Variants in AOX1 observed in about 807,000 individuals in gnomAD.
AOX1 encodes aldehyde oxidase.
AOX1 carries 153 observed loss-of-function variants against 169.5 expected under a neutral mutation model. The observed-to-expected ratio is 0.90, with a 90% CI of 0.79 to 1.03. The LOEUF (loss-of-function observed/expected upper bound fraction) is 1.03. Among genes scored for constraint, AOX1 ranks in the 50% least tolerant of loss-of-function variants. The pLI is 0.00. For synonymous variants in AOX1, 562 were observed against 581.9 expected, an observed-to-expected ratio of 0.97 and a Z score of 0.49; for missense variants, 1,656 against 1,663.9, an observed-to-expected ratio of 1.00 and a Z score of 0.08.
Position 200,651,176 on chromosome 2 carries a change from G to A in AOX1, c.3050G>A (p.Gly1017Asp). 2 of 1,614,184 alleles carry A rather than the reference G, an allele frequency of 1.2e-6. No individual in the cohort carries two copies. The highest frequency in any genetic ancestry group is 1.7e-6 in the Non-Finnish European group (2 of 1,180,026). Residue 1017 changes from glycine to aspartate, a missense_variant, in exon 26 of 35, where the codon GGC becomes GAC. Coordinates refer to ENST00000374700, the MANE Select transcript of AOX1 (RefSeq NM_001159.4). ...LAMVPLKFPVGLGSRAAGQAA... is the reference protein window; with the variant it reads ...LAMVPLKFPVDLGSRAAGQAA... ...ATGGTCCCCCTGAAGTTTCCTGTTG[G>A]CCTTGGCTCACGTGCTGCTGGTCAG...
At chr2:200,613,563 T>C (rs7560168) in intron 14 of AOX1, among the ~76,000 whole-genome samples, 53,690 of 151,966 alleles carry the variant, frequency 0.35, 9,574 homozygotes, top group East Asian at 0.44. Flanking sequence ...TGAGTTGTCA[T>C]TTATTTCTCT....
intron 11 of AOX1, 36 bp from the exon 12 acceptor site, chr2:200,609,285 A>ATTTTACAT: frequency 6.2e-7 from 1 of 1,601,974 alleles, no homozygotes; most frequent in Non-Finnish European, 8.5e-7. Flanking sequence ...CTTTTTTATG[A>ATTTTACAT]TTACATAAAT....
chr2:200,677,562 A>C (rs1347668143), downstream of AOX1, among the ~76,000 whole-genome samples: 2 of 152,224 alleles, frequency 1.3e-5, no homozygotes, highest in Non-Finnish European at 2.9e-5. Flanking sequence ...AAAACTTTTG[A>C]CTAGCAAGAA....
intron 20 of AOX1, among the ~76,000 whole-genome samples, chr2:200,629,956 G>T (rs992138504): frequency 6.6e-6 from 1 of 152,088 alleles, no homozygotes; most frequent in Admixed American, 6.6e-5. Context: ...CTACTTTTCA[G>T]TATAAACGCC....
intron 14 of AOX1, among the ~76,000 whole-genome samples, chr2:200,613,027 T>TGTGAGAGAGA (rs112472592): frequency 0.011 from 1,643 of 146,194 alleles, 33 homozygotes; most frequent in African/African-American, 0.033. Flanking sequence ...TGTGTGTGTG[T>TGTGAGAGAGA]GAGAGAGAGA....
Position 200,605,607 on chromosome 2 carries a change from G to A in AOX1, c.886G>A (p.Val296Ile), listed in dbSNP as rs1209307873. 2.1e-5 allele frequency: 32 copies of A among 1,550,914 alleles called. No homozygotes were observed. The highest frequency in any genetic ancestry group is 2.8e-5 in the Non-Finnish European group (32 of 1,149,352). The change falls in exon 10 of 35, where the codon GTT (valine) becomes ATT (isoleucine). Residue 296 changes from valine (V) to isoleucine (I), a missense_variant. Transcript: ENST00000374700. ...ISPDRIEELS[V>I]VNHAYNGLTL... ...TCCTGATAGAATTGAAGAACTGAGT[G>A]TTGTAAACCATGCATATAATGGTGA... is the stretch of plus-strand genomic sequence containing the variant.
intron 17 of AOX1, 30 bp from the exon 18 acceptor site, chr2:200,621,090 C>A: frequency 6.3e-7 from 1 of 1,597,220 alleles, no homozygotes; most frequent in South Asian, 1.1e-5. Context: ...TATGGCCACT[C>A]TAAGGAGCTC....
chr2:200,660,842 A>G (rs1463170402), intron 29 of AOX1, among the ~76,000 whole-genome samples: 1 of 152,104 alleles, frequency 6.6e-6, no homozygotes, highest in Non-Finnish European at 1.5e-5. Flanking sequence ...GTCTGTCTAT[A>G]CTTCCTGGGC....
intron 20 of AOX1, among the ~76,000 whole-genome samples, chr2:200,630,210 T>TAAAAAAAAAA (rs57410809): frequency 3.1e-5 from 3 of 95,526 alleles, no homozygotes; most frequent in African/African-American, 1.4e-4. Context: ...TCCTTCTATT[T>TAAAAAAAAAA]AAAAAAAAAA....
intron 2 of AOX1, 129 bp downstream of exon 2, chr2:200,593,332 C>A: frequency 1.3e-6 from 1 of 773,938 alleles, no homozygotes; most frequent in Non-Finnish European, 2.1e-6. Flanking sequence ...TGGTTTTATG[C>A]TCATATTTGA....
downstream of AOX1, among the ~76,000 whole-genome samples, chr2:200,680,219 T>G (rs2036140677): frequency 6.6e-6 from 1 of 152,208 alleles, no homozygotes; most frequent in African/African-American, 2.4e-5. Context: ...TAATTTGGCT[T>G]GTTGCTATGT....
chr2:200,638,089 C>A (rs916685848), intron 22 of AOX1, 126 bp from the exon 23 acceptor site: 1 of 757,140 alleles, frequency 1.3e-6, no homozygotes, highest in Non-Finnish European at 2.2e-6. Flanking sequence ...GATAGGCATG[C>A]GAAATAGTTG....
chr2:200,609,769 T>A (rs2034596412), intron 12 of AOX1, among the ~76,000 whole-genome samples: 2 of 152,140 alleles, frequency 1.3e-5, no homozygotes, highest in Non-Finnish European at 2.9e-5. Flanking sequence ...GGTACAGGAG[T>A]GTTGTGGCAC....
intron 20 of AOX1, among the ~76,000 whole-genome samples, chr2:200,629,219 G>T (rs998204344): frequency 6.6e-6 from 1 of 152,182 alleles, no homozygotes; most frequent in Non-Finnish European, 1.5e-5. Flanking sequence ...CCTTGGCATT[G>T]TGTCTTATTA....
At chr2:200,657,044 C>A in intron 27 of AOX1, 107 bp downstream of exon 27, 1 of 733,654 alleles carries the variant, frequency 1.4e-6, no homozygotes, top group Non-Finnish European at 2.0e-6. Context: ...GGATAGGAAG[C>A]TGGGTGAGGT....
chr2:200,615,882 G>T, intron 15 of AOX1, 89 bp from the exon 16 acceptor site: 1 of 925,046 alleles, frequency 1.1e-6, no homozygotes, highest in Non-Finnish European at 1.7e-6. Flanking sequence ...GAGTAGAGAT[G>T]CTTGCTAAGA....
At chr2:200,627,622 C>T (rs956336655) in intron 20 of AOX1, among the ~76,000 whole-genome samples, 173 bp downstream of exon 20, 3 of 152,098 alleles carry the variant, frequency 2.0e-5, no homozygotes, top group Non-Finnish European at 4.4e-5. Context: ...TGGGGTAGGC[C>T]AAGAGCCAAT....
At position 200,642,701 on chromosome 2, in the gene AOX1, C is replaced by G; in HGVS notation, c.2747C>G (p.Ser916Cys). The change falls in exon 25 of 35, where the codon TCC (serine) becomes TGC (cysteine). Residue 916 changes from serine to cysteine, a missense_variant. Ser to Cys is a moderately radical substitution (Grantham distance 112). Transcript: ENST00000374700. ...RGWACRTNLPSNTAFRGFGFP... is the reference protein window; with the variant it reads ...RGWACRTNLPCNTAFRGFGFP... ...TGGGCATGCAGAACCAACCTTCCAT[C>G]CAACACAGCTTTTCGTGGGTTTGGC... 1 of 1,614,162 alleles carries G rather than the reference C, an allele frequency of 6.2e-7. No homozygotes were observed. The highest frequency in any genetic ancestry group is 1.1e-5 in the South Asian group (1 of 91,080).
chr2:200,614,094 C>T, intron 15 of AOX1, 128 bp downstream of exon 15: 1 of 865,614 alleles, frequency 1.2e-6, no homozygotes, highest in Non-Finnish European at 1.7e-6. Context: ...AACACACGTA[C>T]TTGCTGAACA....
Sources: allele counts gnomAD v4.1 joint callset (sites outside exome capture counted in the v4.1 genomes callset), GRCh38; gene constraint gnomAD v4.1.1; transcripts MANE v1.5; gene names NCBI Gene and HGNC (gene_info 2026-07-23, HGNC 2026-07-21).